PDZRN4: variants seen among roughly 807,000 people sequenced by gnomAD.
The protein encoded by PDZRN4 is PDZ domain-containing RING finger protein 4.
In PDZRN4, 70 loss-of-function variants were observed where a neutral mutation model predicts 99.0. The ratio of observed to expected loss-of-function variants is 0.71; its 90% CI spans 0.58 to 0.86. PDZRN4 has a LOEUF of 0.86. Ranked by LOEUF, PDZRN4 falls within the 40% of genes least tolerant of loss-of-function variation. The pLI is 0.00. For missense variants in PDZRN4, 1,474 were observed against 1,331.2 expected (o/e 1.11, Z -1.67); for synonymous variants, 551 against 501.6 (o/e 1.10, Z -1.32).
intron 3 of PDZRN4, among the ~76,000 whole-genome samples, chr12:41,250,179 AT>A (rs1255907337): frequency 1.3e-5 from 2 of 152,118 alleles, no homozygotes; most frequent in Admixed American, 1.3e-4. Context: ...TCAAAGTATT[AT>A]TTTTTTGTAA....
rs1939405239 is a variant in PDZRN4, at chr12:41,567,906, C to T, written c.1584+7C>T. ...TGCCAATGAGGTGGAGCAGGTAGGGCCAACAATTTGAACTACATCATTTGA... is the reference window on the plus strand; with the variant it reads ...TGCCAATGAGGTGGAGCAGGTAGGGTCAACAATTTGAACTACATCATTTGA... On this transcript the variant is annotated splice_region_variant and intron_variant, in intron 9 of 9. Transcript: ENST00000402685. 1 of 1,512,026 alleles carries T rather than the reference C, an allele frequency of 6.6e-7. No individual in the cohort carries two copies. The highest frequency in any genetic ancestry group is 9.1e-7 in the Non-Finnish European group (1 of 1,098,972). The allele number at this position is 1,512,026 out of a possible 1,614,324, so 93.7% of individuals were successfully genotyped here.
intron 3 of PDZRN4, among the ~76,000 whole-genome samples, chr12:41,346,578 T>C (rs747388632): frequency 5.9e-5 from 9 of 152,170 alleles, no homozygotes; most frequent in Non-Finnish European, 1.3e-4. Flanking sequence ...TATTTTTTAG[T>C]GCTCTAAATT....
At chr12:41,467,311 G>T (rs1952936787) in intron 3 of PDZRN4, among the ~76,000 whole-genome samples, 1 of 152,150 alleles carries the variant, frequency 6.6e-6, no homozygotes, top group South Asian at 2.1e-4. Flanking sequence ...GAGAATTTTA[G>T]TTTTGACTGA....
intron 3 of PDZRN4, among the ~76,000 whole-genome samples, chr12:41,303,968 G>A (rs2120935691): frequency 6.6e-6 from 1 of 151,968 alleles, no homozygotes; most frequent in Non-Finnish European, 1.5e-5. Context: ...ACAAACTCTG[G>A]GCTCAAAAAT....
chr12:41,552,635 C>A, intron 5 of PDZRN4, 21 bp from the exon 6 acceptor site: 1 of 1,568,600 alleles, frequency 6.4e-7, no homozygotes. Context: ...TAAATGTCAT[C>A]TGTGTGTGTT....
rs549290662 is a variant in PDZRN4, at chr12:41,243,899, C to G, written c.843+49711C>G. ...ATATTCACTCAAACATCATTCATTT[C>G]CCTCTCATATTCCCAGTCTCTCAAT... is the stretch of plus-strand genomic sequence containing the variant. On this transcript the variant is annotated intron_variant, in intron 3 of 9. Coordinates refer to ENST00000402685, the MANE Select transcript of PDZRN4 (RefSeq NM_001164595.2). Among the ~76,000 whole-genome samples, 3 of 152,252 alleles carry G rather than the reference C, an allele frequency of 2.0e-5. No homozygotes were observed. The South Asian group carries it at 6.2e-4, about 32-fold the overall frequency.
intron 3 of PDZRN4, among the ~76,000 whole-genome samples, chr12:41,436,021 T>C (rs961135680): frequency 6.6e-6 from 1 of 152,178 alleles, no homozygotes; most frequent in African/African-American, 2.4e-5. Context: ...AAGAAGGAGA[T>C]TGCTTATGTT....
intron 3 of PDZRN4, among the ~76,000 whole-genome samples, chr12:41,270,031 G>A (rs918374959): frequency 9.2e-5 from 14 of 152,106 alleles, no homozygotes; most frequent in Admixed American, 7.9e-4. Context: ...ATTCTAATGG[G>A]TCATTGTGGT....
At chr12:41,537,445 A>T (rs1224688542) in intron 5 of PDZRN4, among the ~76,000 whole-genome samples, 1 of 152,186 alleles carries the variant, frequency 6.6e-6, no homozygotes, top group Non-Finnish European at 1.5e-5. Context: ...ACGAAGTGGC[A>T]TACATTTTTT....
intron 3 of PDZRN4, among the ~76,000 whole-genome samples, chr12:41,196,626 G>T (rs919759452): frequency 4.6e-5 from 7 of 151,870 alleles, no homozygotes; most frequent in Non-Finnish European, 1.0e-4. Context: ...GTTTTTTCTT[G>T]TGCATATGGT....
intron 3 of PDZRN4, among the ~76,000 whole-genome samples, chr12:41,198,072 A>G (rs1236242959): frequency 6.6e-6 from 1 of 151,224 alleles, no homozygotes; most frequent in Admixed American, 6.6e-5. Flanking sequence ...ACCCCACCTC[A>G]CCTGGCTAAT....
chr12:41,364,731 C>T (rs1371617013), intron 3 of PDZRN4, among the ~76,000 whole-genome samples: 2 of 151,882 alleles, frequency 1.3e-5, no homozygotes, highest in Non-Finnish European at 1.5e-5. Context: ...ATCAGCTGGT[C>T]GACAGACTGA....
chr12:41,397,960 A>G (rs188111134), intron 3 of PDZRN4, among the ~76,000 whole-genome samples: 1 of 152,278 alleles, frequency 6.6e-6, no homozygotes, highest in Admixed American at 6.5e-5. Flanking sequence ...TAGAGTCACA[A>G]GAACTCAAGT....
intron 3 of PDZRN4, among the ~76,000 whole-genome samples, chr12:41,458,737 A>G (rs1952841564): frequency 1.3e-5 from 2 of 152,160 alleles, no homozygotes; most frequent in African/African-American, 4.8e-5. Context: ...GGTATGTAAG[A>G]GAGACTAGAG....
intron 3 of PDZRN4, among the ~76,000 whole-genome samples, chr12:41,479,384 T>A (rs1440051182): frequency 6.6e-6 from 1 of 152,226 alleles, no homozygotes; most frequent in African/African-American, 2.4e-5. Context: ...CACTTTTACT[T>A]GGTTCCATTA....
At chr12:41,394,197 A>C (rs556412453) in intron 3 of PDZRN4, among the ~76,000 whole-genome samples, 1 of 152,170 alleles carries the variant, frequency 6.6e-6, no homozygotes, top group East Asian at 1.9e-4. Context: ...TAAGGGCCCT[A>C]ATCCCATTCA....
At chr12:41,344,638 G>A (rs1258939600) in intron 3 of PDZRN4, among the ~76,000 whole-genome samples, 1 of 151,186 alleles carries the variant, frequency 6.6e-6, no homozygotes, top group Non-Finnish European at 1.5e-5. Context: ...TCCTAACATA[G>A]GACCTACATT....
At chr12:41,570,222 G>C (rs988654699) in intron 9 of PDZRN4, among the ~76,000 whole-genome samples, 1 of 152,110 alleles carries the variant, frequency 6.6e-6, no homozygotes, top group African/African-American at 2.4e-5. Flanking sequence ...GAGAAGTACA[G>C]AAACCTTTAA....
chr12:41,369,722 A>G (rs559473081), intron 3 of PDZRN4, among the ~76,000 whole-genome samples: 1 of 152,056 alleles, frequency 6.6e-6, no homozygotes, highest in Non-Finnish European at 1.5e-5. Flanking sequence ...ATTCAAATTA[A>G]ATACAAACCA....
Sources: gnomAD v4.1 joint callset for allele counts (sites outside exome capture counted in the v4.1 genomes callset) on GRCh38, gnomAD v4.1.1 for gene constraint, MANE v1.5 for transcripts, NCBI Gene and HGNC (gene_info 2026-07-23, HGNC 2026-07-21) for gene names.